Variants in MFN2 observed in about 807,000 individuals in gnomAD.
MFN2 encodes the protein mitofusin-2.
Under a neutral mutation model 87.5 loss-of-function variants are expected in MFN2, and 43 were observed. That is an observed-to-expected ratio of 0.49 (90% CI 0.38 to 0.63). The LOEUF (loss-of-function observed/expected upper bound fraction) is 0.63. Among genes scored for constraint, MFN2 ranks in the 30% least tolerant of loss-of-function variants. The probability of loss-of-function intolerance (pLI) is 0.00; values close to 1 mark genes in which losing one functional copy is unlikely to be tolerated. For missense variants in MFN2, 743 were observed against 972.8 expected, an observed-to-expected ratio of 0.76 and a Z score of 3.14; for synonymous variants, 337 against 359.9, an observed-to-expected ratio of 0.94 and a Z score of 0.72.
In MFN2 at chr1:11,998,833, T is replaced by C. The variant is rs116504054; in HGVS notation, c.663T>C (p.Asp221=). Reference sequence around the variant, plus strand: ...TTGACAAGTTTTGTCTGGATGCTGATGTGTTTGTGCTGGTGGCCAACTCAG... The same window carrying C: ...TTGACAAGTTTTGTCTGGATGCTGACGTGTTTGTGCTGGTGGCCAACTCAG... ...SWIDKFCLDA[D]VFVLVANSES... The change falls in exon 7 of 19, where the codon GAT becomes GAC. Residue 221 remains aspartate, a synonymous_variant. Transcript: ENST00000235329. The C allele has an allele frequency of 2.8e-4, 452 of 1,614,166 alleles. 1 individual carries two copies. The African/African-American group carries it at 5.7e-3, about 21-fold the overall frequency.
At chr1:11,998,966 C>T (rs771943250) in intron 7 of MFN2, 22 bp from the exon 8 acceptor site, 10 of 1,613,278 alleles carry the variant, frequency 6.2e-6, no homozygotes, top group African/African-American at 5.3e-5. Flanking sequence ...CCTGCTCCAC[C>T]GAGGTCTTAC....
chr1:12,009,473 G>T, intron 17 of MFN2, 119 bp from the exon 18 acceptor site: 1 of 1,433,060 alleles, frequency 7.0e-7, no homozygotes, highest in South Asian at 1.2e-5. Flanking sequence ...CCTGGCTCAG[G>T]GCAGAGCTGC....
rs1639716993 is a variant in MFN2 at position 12,011,971 on chromosome 1, C to T, written c.*406C>T. 3 of 262,392 alleles carry T rather than the reference C, an allele frequency of 1.1e-5. No individual in the cohort carries two copies. Among genetic ancestry groups the T allele is most frequent in the Admixed American group, 9.4e-5 (2 of 21,342 alleles). 16.3% of individuals were successfully genotyped at this position (262,392 alleles called of 1,614,324 possible). Reference sequence around the variant, plus strand: ...CTCCAGCCTGTGCGCACCTGCCCTCCTTGCAGCCCAGCACACCTGCAGGTG... The same window carrying T: ...CTCCAGCCTGTGCGCACCTGCCCTCTTTGCAGCCCAGCACACCTGCAGGTG... On this transcript the variant is annotated 3_prime_UTR_variant, in exon 19 of 19. Transcript: ENST00000235329.
chr1:11,996,041 G>A (rs1284357323), intron 4 of MFN2, 115 bp from the exon 5 acceptor site: 4 of 1,308,228 alleles, frequency 3.1e-6, no homozygotes, highest in Non-Finnish European at 4.4e-6. Context: ...CACTGTCTGG[G>A]CACTGGCAAC....
rs1464119160 is a variant in MFN2 at position 12,013,437 on chromosome 1, G to A, written c.*1872G>A. 1.1e-5 allele frequency: 5 copies of A among 460,254 alleles called. 1 individual carries two copies. The highest frequency in any genetic ancestry group is 3.3e-4 in the Middle Eastern group (1 of 3,046). 28.5% of individuals were successfully genotyped at this position (460,254 alleles called of 1,614,324 possible). On this transcript the variant is annotated 3_prime_UTR_variant, in exon 19 of 19. Coordinates refer to ENST00000235329, the MANE Select transcript of MFN2 (RefSeq NM_014874.4). ...TTTTCTCTGATGTATTTAAGGTGAT[G>A]TATTTGCTTGAGTTACTCCTGTATC...
intron 2 of MFN2, among the ~76,000 whole-genome samples, chr1:11,988,430 CGGGGTCCTACATTGCCTA>C (rs1203520769): frequency 7.1e-6 from 1 of 141,254 alleles, no homozygotes; most frequent in Non-Finnish European, 1.5e-5. Context: ...TAAATAGAGA[CGGGGTCCTACATTGCCTA>C]GGCTTGTCTC....
intron 8 of MFN2, among the ~76,000 whole-genome samples, chr1:12,000,529 G>T (rs952283698): frequency 1.3e-5 from 2 of 152,188 alleles, no homozygotes; most frequent in African/African-American, 4.8e-5. Context: ...TAGCTTCCTT[G>T]ACCCTTCTGG....
At chr1:12,007,026 A>C (rs781489893) in intron 16 of MFN2, 27 bp from the exon 17 acceptor site, 7 of 1,612,190 alleles carry the variant, frequency 4.3e-6, no homozygotes, top group Non-Finnish European at 5.9e-6. Context: ...GAGAGGCTGC[A>C]CTCCAGGCTG....
intron 2 of MFN2, among the ~76,000 whole-genome samples, chr1:11,983,043 T>G (rs748865827): frequency 6.6e-6 from 1 of 152,128 alleles, no homozygotes; most frequent in Non-Finnish European, 1.5e-5. Flanking sequence ...ATATGGTGTT[T>G]TTTGTTTGTT....
chr1:11,983,173 C>T (rs1405050462), intron 2 of MFN2, among the ~76,000 whole-genome samples: 3 of 152,096 alleles, frequency 2.0e-5, no homozygotes, highest in Non-Finnish European at 4.4e-5. Flanking sequence ...CCCAGGTTCA[C>T]ACTATCCTCC....
rs557643473 is a variant in MFN2 at position 12,013,104 on chromosome 1, G to A, written c.*1539G>A. The A allele has an allele frequency of 1.9e-4, 65 of 342,648 alleles. No individual in the cohort carries two copies. The highest frequency in any genetic ancestry group is 1.3e-3 in the Admixed American group (30 of 23,962). The allele number at this position is 342,648 out of a possible 1,614,324, so 21.2% of individuals were successfully genotyped here. ...CATGCTGTGGGTGGATGTTCCCGGC[G>A]TGTGCCGGGCCTGAATGGACAGGGG... On this transcript the variant is annotated 3_prime_UTR_variant, in exon 19 of 19. Transcript: ENST00000235329.
In MFN2 at chr1:12,013,184, T is replaced by C. The variant is rs556187021; in HGVS notation, c.*1619T>C. On this transcript the variant is annotated 3_prime_UTR_variant, in exon 19 of 19. Coordinates refer to ENST00000235329, the MANE Select transcript of MFN2 (RefSeq NM_014874.4). ...TGTCACACAATTCCAATGGATTTTG[T>C]GCTCTTTTTGAAAAAAAAAAATTCT... 1.2e-4 allele frequency: 42 copies of C among 349,450 alleles called. No individual in the cohort carries two copies. The highest frequency in any genetic ancestry group is 2.1e-4 in the Non-Finnish European group (38 of 177,004). The allele number at this position is 349,450 out of a possible 1,614,324, so 21.6% of individuals were successfully genotyped here. A position where few individuals can be genotyped will look rare whatever the true frequency, so the allele number is the denominator to read the frequency against.
intron 1 of MFN2, 63 bp from the exon 2 acceptor site, chr1:11,981,907 T>A (rs2100781561): frequency 7.2e-6 from 1 of 138,704 alleles, no homozygotes; most frequent in Middle Eastern, 3.8e-3. Flanking sequence ...TTAGACATGT[T>A]TTGTACACCA....
Position 12,013,397 on chromosome 1 carries a change from T to A in MFN2, c.*1832T>A, listed in dbSNP as rs1383711629. 2.1e-6 allele frequency: 1 copy of A among 471,182 alleles called. No individual in the cohort carries two copies. The highest frequency in any genetic ancestry group is 2.4e-5 in the Admixed American group (1 of 42,422). 29.2% of individuals were successfully genotyped at this position (471,182 alleles called of 1,614,324 possible). ...TGTTCATTTGCTGGAGCGCAAGACG[T>A]GCTGACACAGTGAGTTTTCTCTGAT... is the stretch of plus-strand genomic sequence containing the variant. On this transcript the variant is annotated 3_prime_UTR_variant, in exon 19 of 19. Transcript: ENST00000235329.
intron 17 of MFN2, among the ~76,000 whole-genome samples, chr1:12,007,598 CATCTT>C (rs1639478328): frequency 1.3e-5 from 2 of 152,200 alleles, no homozygotes; most frequent in African/African-American, 4.8e-5. Context: ...TCTTCGTGCA[CATCTT>C]AGGTCAGGTG....
chr1:12,005,710 G>C lies in MFN2; in HGVS notation c.1496-1G>C. ...TTTTCCTCCATTTCTCTTCCTGACA[G>C]ATGGCTTGAAACCCCTCCTTCCTGT... is the stretch of plus-strand genomic sequence containing the variant. On this transcript the variant is annotated splice_acceptor_variant, in intron 14 of 18. Transcript: ENST00000235329. LOFTEE classifies it high-confidence loss of function. 1 of 1,614,092 alleles carries C rather than the reference G, an allele frequency of 6.2e-7. No homozygotes were observed. The highest frequency in any genetic ancestry group is 8.5e-7 in the Non-Finnish European group (1 of 1,179,952).
At chr1:11,980,549 G>A (rs1645963570) in intron 1 of MFN2, 65 bp downstream of exon 1, 1 of 397,878 alleles carries the variant, frequency 2.5e-6, no homozygotes, top group Non-Finnish European at 4.4e-6. Flanking sequence ...GTCCTGAGCA[G>A]CTCGGCGTGG....
intron 2 of MFN2, among the ~76,000 whole-genome samples, chr1:11,986,823 C>T (rs28718032): frequency 0.43 from 65,384 of 151,528 alleles, 15,787 homozygotes; most frequent in Non-Finnish European, 0.53. Flanking sequence ...GTGATCCACC[C>T]GCCTGGGCCT....
rs1375243060 is a variant in MFN2 at position 12,003,761 on chromosome 1, C to T, written c.1161-231C>T. Among the ~76,000 whole-genome samples, 3 of 152,214 alleles carry T rather than the reference C, an allele frequency of 2.0e-5. No individual in the cohort carries two copies. The highest frequency in any genetic ancestry group is 2.9e-5 in the Non-Finnish European group (2 of 68,044). ...ATTTGTTTAAACCCCCTTAAAGCGC[C>T]CTCCCTGTTTTGTGCCCACCACCTG... On this transcript the variant is annotated intron_variant, in intron 11 of 18. Coordinates refer to ENST00000235329, the MANE Select transcript of MFN2 (RefSeq NM_014874.4). This position sits in a 1 kb window ranked among gnomAD's most constrained non-coding sequence, Gnocchi z 4.1.
Sources: allele counts gnomAD v4.1 joint callset (sites outside exome capture counted in the v4.1 genomes callset), GRCh38; gene constraint gnomAD v4.1.1; non-coding constraint Gnocchi (gnomAD v3.1); transcripts MANE v1.5; gene names NCBI Gene and HGNC (gene_info 2026-07-23, HGNC 2026-07-21).